Variants in LVRN observed in about 807,000 individuals in gnomAD.
The protein encoded by LVRN is laeverin.
Under a neutral mutation model 111.4 loss-of-function variants are expected in LVRN, and 99 were observed. The observed-to-expected ratio is 0.89, with a 90% CI of 0.76 to 1.05. The LOEUF (loss-of-function observed/expected upper bound fraction) is 1.05, where lower values mean the gene tolerates loss of function less well. Ranked by LOEUF, LVRN falls within the 50% of genes least tolerant of loss-of-function variation. The pLI, the probability that LVRN is intolerant of heterozygous loss-of-function variation, is 0.00. For synonymous variants in LVRN, 488 were observed against 449.5 expected, an observed-to-expected ratio of 1.09 and a Z score of -1.08; for missense variants, 1,414 against 1,206.8, an observed-to-expected ratio of 1.17 and a Z score of -2.54.
Position 116,012,484 on chromosome 5 carries a change from G to A in LVRN, c.2342+16G>A, listed in dbSNP as rs1305678238. On this transcript the variant is annotated intron_variant, in intron 15 of 19. Transcript: ENST00000357872. ...ACTTAGCTCTGTAAGTATGTTTTCA[G>A]AAGTGATAATTGAATAAAATGCATT... 2.1e-6 allele frequency: 3 copies of A among 1,437,668 alleles called. No homozygotes were observed. 89.1% of individuals were successfully genotyped at this position (1,437,668 alleles called of 1,614,324 possible).
At chr5:115,998,062 G>A (rs1373779318) in intron 6 of LVRN, among the ~76,000 whole-genome samples, 12 of 152,156 alleles carry the variant, frequency 7.9e-5, no homozygotes, top group Non-Finnish European at 1.8e-4. Flanking sequence ...GTGCAAAAAC[G>A]TTCATTAAAA....
Position 116,008,438 on chromosome 5 carries a change from T to C in LVRN, c.2094-2303T>C, listed in dbSNP as rs142265682. ...AGTGAAAGGGGGAGTCCTGAATCTTTCACTTTAAATCAAAAGCTAGAAATG... is the reference window on the plus strand; with the variant it reads ...AGTGAAAGGGGGAGTCCTGAATCTTCCACTTTAAATCAAAAGCTAGAAATG... On this transcript the variant is annotated intron_variant, in intron 13 of 19. Transcript: ENST00000357872. Among the ~76,000 whole-genome samples, 759 of 152,286 alleles carry C rather than the reference T, an allele frequency of 5.0e-3. 5 individuals carry two copies. The highest frequency in any genetic ancestry group is 0.017 in the African/African-American group (724 of 41,560).
chr5:116,002,818 T>A lies in LVRN; in HGVS notation c.1821-17T>A, dbSNP rs554001897. The A allele has an allele frequency of 5.0e-5, 78 of 1,564,546 alleles. No individual in the cohort carries two copies. In the South Asian group the frequency reaches 6.8e-4, roughly 14 times the overall value. The stretch of plus-strand genomic sequence containing the variant: ...ATGTGTGAAAAGTAACTAATTTTTT[T>A]ATTTTCTTCCAATAAGTGACACATG... On this transcript the variant is annotated splice_polypyrimidine_tract_variant and intron_variant, in intron 10 of 19. Coordinates refer to ENST00000357872, the MANE Select transcript of LVRN (RefSeq NM_173800.5).
chr5:115,992,578 G>A (rs1025456151), intron 5 of LVRN, among the ~76,000 whole-genome samples: 3 of 152,134 alleles, frequency 2.0e-5, no homozygotes, highest in Admixed American at 6.6e-5. Flanking sequence ...AGACACAGGA[G>A]TATTTTATTT....
intron 1 of LVRN, among the ~76,000 whole-genome samples, chr5:115,968,594 T>C (rs953801382): frequency 7.2e-5 from 11 of 152,030 alleles, no homozygotes; most frequent in African/African-American, 1.2e-4. Flanking sequence ...GCCCATCTGG[T>C]CCCCCACCCT....
rs1381238877 is a variant in LVRN, at chr5:116,015,842, G to A, written c.2756+77G>A. On this transcript the variant is annotated intron_variant, in intron 18 of 19. Coordinates refer to ENST00000357872, the MANE Select transcript of LVRN (RefSeq NM_173800.5). ...GGAAGCTCAGCTTTAGTCTAGCTTG[G>A]AAGCTCAGCTTTAGTCTAGCTAGGC... is the stretch of plus-strand genomic sequence containing the variant. 3.9e-6 allele frequency: 6 copies of A among 1,546,558 alleles called. No homozygotes were observed. The African/African-American group carries it at 5.5e-5, about 14-fold the overall frequency.
intron 1 of LVRN, among the ~76,000 whole-genome samples, chr5:115,965,557 A>G (rs1307501248): frequency 6.6e-6 from 1 of 152,190 alleles, no homozygotes; most frequent in African/African-American, 2.4e-5. Flanking sequence ...GATAATTCTG[A>G]TGCCTACTAT....
chr5:115,990,618 C>G (rs1747965052), intron 4 of LVRN, among the ~76,000 whole-genome samples: 1 of 152,144 alleles, frequency 6.6e-6, no homozygotes. Context: ...ATCACCCAGC[C>G]TAGAGTGCAG....
intron 1 of LVRN, among the ~76,000 whole-genome samples, chr5:115,976,512 A>G (rs1290995812): frequency 6.6e-6 from 1 of 152,022 alleles, no homozygotes; most frequent in Admixed American, 6.6e-5. Context: ...TTTCTATACT[A>G]TGGTTGACAC....
rs1561557303 is a variant in LVRN at position 115,983,277 on chromosome 5, TG to T, written c.696-9del. 6.4e-7 allele frequency: 1 copy of T among 1,554,272 alleles called. No homozygotes were observed. Among genetic ancestry groups the T allele is most frequent in the African/African-American group, 1.4e-5 (1 of 71,948 alleles). On this transcript the variant is annotated splice_polypyrimidine_tract_variant and intron_variant, in intron 1 of 19. Coordinates refer to ENST00000357872, the MANE Select transcript of LVRN (RefSeq NM_173800.5). ...AAAATAAATAAAAATTTCCCCAAAA[TG>T]TATTTCAGGGCCCTGTTAGCGTCCC...
At position 115,992,214 on chromosome 5, in the gene LVRN, AG is replaced by A. The variant is rs765236083; in HGVS notation, c.1198del (p.Asp400IlefsTer3). 1 of 1,614,002 alleles carries A rather than the reference AG, an allele frequency of 6.2e-7. No homozygotes were observed. The highest frequency in any genetic ancestry group is 8.5e-7 in the Non-Finnish European group (1 of 1,179,908). Reference protein sequence around the residue: ...DESGLLLEPKDQLTEKKTLIS... With the variant: ...DESGLLLEPKXQLTEKKTLIS... ...AATCAGGATTGTTGTTGGAACCAAA[AG>A]ATCAACTGACAGAAAAAAAGACTCT... is the stretch of plus-strand genomic sequence containing the variant. On this transcript the variant is annotated frameshift_variant, in exon 5 of 20. Coordinates refer to ENST00000357872, the MANE Select transcript of LVRN (RefSeq NM_173800.5). LOFTEE classifies it high-confidence loss of function.
In LVRN at chr5:116,015,690, T is replaced by C. The variant is rs1580399924; in HGVS notation, c.2681T>C (p.Val894Ala). The C allele has an allele frequency of 1.9e-6, 3 of 1,613,248 alleles. No homozygotes were observed. Among genetic ancestry groups the C allele is most frequent in the Non-Finnish European group, 2.5e-6 (3 of 1,179,592 alleles). The stretch of plus-strand genomic sequence containing the variant: ...TCTAATGAAACAAATATAATTGAGG[T>C]TGTGGCTTCATCTGAAGTTGGCCGG... ...FTSNETNIIE[V>A]VASSEVGRYV... Residue 894 changes from valine (V) to alanine (A), a missense_variant, in exon 18 of 20, where the codon GTT becomes GCT. Coordinates refer to ENST00000357872, the MANE Select transcript of LVRN (RefSeq NM_173800.5).
At chr5:116,008,267 C>A (rs1467615559) in intron 13 of LVRN, among the ~76,000 whole-genome samples, 1 of 152,058 alleles carries the variant, frequency 6.6e-6, no homozygotes, top group East Asian at 1.9e-4. Flanking sequence ...TGGCATGAAC[C>A]CAGGAAGCAG....
Position 115,992,222 on chromosome 5 carries a change from T to G in LVRN, c.1205T>G (p.Leu402Arg). 6.2e-7 allele frequency: 1 copy of G among 1,613,944 alleles called. No homozygotes were observed. The highest frequency in any genetic ancestry group is 8.5e-7 in the Non-Finnish European group (1 of 1,179,874). ...TTGTTGTTGGAACCAAAAGATCAACTGACAGAAAAAAAGACTCTGATCTCC... is the reference window on the plus strand; with the variant it reads ...TTGTTGTTGGAACCAAAAGATCAACGGACAGAAAAAAAGACTCTGATCTCC... The part of the protein sequence containing the change: ...SGLLLEPKDQ[L>R]TEKKTLISYV... The change falls in exon 5 of 20, where the codon CTG becomes CGG. Residue 402 changes from leucine (L) to arginine (R), a missense_variant. Transcript: ENST00000357872.
intron 1 of LVRN, among the ~76,000 whole-genome samples, chr5:115,970,185 T>G (rs951298641): frequency 6.6e-6 from 1 of 152,174 alleles, no homozygotes; most frequent in Admixed American, 6.5e-5. Context: ...ATAAACATAT[T>G]CATCACATCC....
At position 116,001,128 on chromosome 5, in the gene LVRN, G is replaced by C; in HGVS notation, c.1709G>C (p.Trp570Ser). The C allele has an allele frequency of 6.2e-7, 1 of 1,613,718 alleles. No homozygotes were observed. The highest frequency in any genetic ancestry group is 8.5e-7 in the Non-Finnish European group (1 of 1,179,908). ...ACAATAAAAAACATAATGGACAGTT[G>C]GACACACCAGAGTGGTTTTCCAGTG... ...PATIKNIMDS[W>S]THQSGFPVIT... The change falls in exon 10 of 20, where the codon TGG (tryptophan) becomes TCG (serine). Residue 570 changes from tryptophan to serine, a missense_variant. Coordinates refer to ENST00000357872, the MANE Select transcript of LVRN (RefSeq NM_173800.5).
At chr5:116,020,554 A>T (rs1435861936) in intron 18 of LVRN, among the ~76,000 whole-genome samples, 1 of 152,210 alleles carries the variant, frequency 6.6e-6, no homozygotes, top group Non-Finnish European at 1.5e-5. Flanking sequence ...TAAAGTCTTA[A>T]GCTTAAAAAC....
intron 5 of LVRN, among the ~76,000 whole-genome samples, 183 bp downstream of exon 5, chr5:115,992,460 T>G (rs149816081): frequency 1.8e-3 from 276 of 152,266 alleles, no homozygotes; most frequent in African/African-American, 6.4e-3. Context: ...GAGCTACTGG[T>G]GACAGATCAT....
chr5:116,025,360 A>G (rs908668053), intron 19 of LVRN, among the ~76,000 whole-genome samples: 1 of 152,208 alleles, frequency 6.6e-6, no homozygotes, highest in African/African-American at 2.4e-5. Context: ...CACTGATACA[A>G]AAAGAGACTC....
Sources: allele counts gnomAD v4.1 joint callset (sites outside exome capture counted in the v4.1 genomes callset), GRCh38; gene constraint gnomAD v4.1.1; transcripts MANE v1.5; gene names NCBI Gene and HGNC (gene_info 2026-07-23, HGNC 2026-07-21).